The following COLEC12 variants were observed in gnomAD, a reference collection of about 807,000 sequenced individuals.
COLEC12 encodes collectin subfamily member 12.
COLEC12 carries 33 observed loss-of-function variants against 71.1 expected under a neutral mutation model. The ratio of observed to expected loss-of-function variants is 0.46; its 90% CI spans 0.35 to 0.62. The LOEUF is 0.62. COLEC12 is among the 20% of genes least tolerant of loss of function. The probability of loss-of-function intolerance (pLI) is 0.00; values close to 1 mark genes in which losing one functional copy is unlikely to be tolerated. For missense variants in COLEC12, 765 were observed against 916.1 expected, an observed-to-expected ratio of 0.84 and a Z score of 2.13; for synonymous variants, 350 against 353.0, an observed-to-expected ratio of 0.99 and a Z score of 0.10.
rs2143805975 is a variant in COLEC12, at chr18:500,440, G to A, written c.7+68C>T. 2.8e-6 allele frequency: 3 copies of A among 1,059,390 alleles called. No homozygotes were observed. The highest frequency in any genetic ancestry group is 3.5e-6 in the Non-Finnish European group (3 of 852,282). 65.6% of individuals were successfully genotyped at this position (1,059,390 alleles called of 1,614,324 possible). ...GAAGGTTCGCGCGGGAGGCACCTCC[G>A]TGGCCTCCCGCGCGCCCCGAAGCCC... On this transcript the variant is annotated intron_variant, in intron 1 of 9. Transcript: ENST00000400256. This position sits in a 1 kb window ranked among gnomAD's most constrained non-coding sequence, Gnocchi z 5.3.
At chr18:485,057 G>C (rs1917493779) in intron 1 of COLEC12, among the ~76,000 whole-genome samples, 1 of 152,212 alleles carries the variant, frequency 6.6e-6, no homozygotes, top group African/African-American at 2.4e-5. Context: ...CTATGCTAGG[G>C]CCCACAAGGG....
chr18:326,486 T>A (rs906790533), intron 8 of COLEC12, among the ~76,000 whole-genome samples: 3 of 152,218 alleles, frequency 2.0e-5, no homozygotes, highest in Non-Finnish European at 4.4e-5. Context: ...TAGCTGGGAT[T>A]ACAGGCATCC....
At chr18:322,443 C>G (rs1346144120) in intron 8 of COLEC12, among the ~76,000 whole-genome samples, 1 of 152,186 alleles carries the variant, frequency 6.6e-6, no homozygotes, top group African/African-American at 2.4e-5. Flanking sequence ...ACATTTCACT[C>G]CCTTTTTTGG....
At chr18:392,249 A>G (rs1170520862) in intron 2 of COLEC12, among the ~76,000 whole-genome samples, 1 of 152,208 alleles carries the variant, frequency 6.6e-6, no homozygotes, top group African/African-American at 2.4e-5. Context: ...GGGCATGGCT[A>G]TCATTACCTA....
chr18:479,804 A>G (rs572921064), intron 2 of COLEC12, among the ~76,000 whole-genome samples: 48 of 151,886 alleles, frequency 3.2e-4, no homozygotes, highest in East Asian at 1.4e-3. Flanking sequence ...CGGCTGCTGT[A>G]AAAGGTTACC....
chr18:339,461 A>G (rs1429270771), intron 5 of COLEC12, among the ~76,000 whole-genome samples: 1 of 152,220 alleles, frequency 6.6e-6, no homozygotes, highest in Non-Finnish European at 1.5e-5. Flanking sequence ...GAAGGAAGGG[A>G]GTAAATATCG....
At position 333,101 on chromosome 18, in the gene COLEC12, T is replaced by C. The variant is rs1252088896; in HGVS notation, c.1859A>G (p.Tyr620Cys). 4 of 1,611,304 alleles carry C rather than the reference T, an allele frequency of 2.5e-6. No individual in the cohort carries two copies. The highest frequency in any genetic ancestry group is 3.4e-6 in the Non-Finnish European group (4 of 1,178,840). ...AAAAATTTCTTTCTCAACTGAAAAA[T>C]AGTAGCATTTGTCTGTGAAGTTCTT... is the stretch of plus-strand genomic sequence containing the variant. ...HWKNFTDKCY[Y>C]FSVEKEIFED... Residue 620 changes from tyrosine (Y) to cysteine (C), a missense_variant, in exon 7 of 10, where the codon TAT (tyrosine) becomes TGT (cysteine). Tyr to Cys is a radical substitution (Grantham distance 194). Transcript: ENST00000400256.
At position 320,429 on chromosome 18, in the gene COLEC12, G is replaced by A. The variant is rs188649793; in HGVS notation, c.2210-365C>T. Among the ~76,000 whole-genome samples the A allele has an allele frequency of 1.0e-3, 157 of 152,230 alleles. 1 individual carries two copies. The highest frequency in any genetic ancestry group is 3.4e-3 in the African/African-American group (142 of 41,528). On this transcript the variant is annotated intron_variant, in intron 9 of 9. Coordinates refer to ENST00000400256, the MANE Select transcript of COLEC12 (RefSeq NM_130386.3). ...CTGACCCAGCTGTGAGTTCCTATGT[G>A]TCTTAAGGTCCCTAGCACTTGGACC...
At chr18:337,918 T>G (rs544790442) in intron 5 of COLEC12, among the ~76,000 whole-genome samples, 45 of 152,198 alleles carry the variant, frequency 3.0e-4, no homozygotes, top group Non-Finnish European at 5.6e-4. Context: ...CACCTCTCTC[T>G]GTCTTTTTTG....
rs183610900 is a variant in COLEC12 at position 455,995 on chromosome 18, G to A, written c.58+24712C>T. 2.0e-5 allele frequency among the ~76,000 whole-genome samples: 3 copies of A among 152,278 alleles called. No individual in the cohort carries two copies. In the East Asian group the frequency reaches 5.8e-4, roughly 30 times the overall value. ...ACTTTAACTGACACAATAGTTAAGT[G>A]TATCAAGCACAACCCAGGCAGGGTA... is the stretch of plus-strand genomic sequence containing the variant. On this transcript the variant is annotated intron_variant, in intron 2 of 9. Coordinates refer to ENST00000400256, the MANE Select transcript of COLEC12 (RefSeq NM_130386.3).
At chr18:333,395 T>A (rs1046686095) in intron 6 of COLEC12, 1 of 355,852 alleles carries the variant, frequency 2.8e-6, no homozygotes, top group Non-Finnish European at 5.1e-6. Context: ...TGTGTCTGGA[T>A]CCGTCTTCAC....
chr18:440,977 G>T (rs576469963), intron 2 of COLEC12, among the ~76,000 whole-genome samples: 1 of 152,026 alleles, frequency 6.6e-6, no homozygotes, highest in East Asian at 1.9e-4. Flanking sequence ...GGCCGGGCGT[G>T]GTGGCTCACG....
chr18:398,305 T>C (rs1220180073), intron 2 of COLEC12, among the ~76,000 whole-genome samples: 2 of 152,224 alleles, frequency 1.3e-5, no homozygotes. Context: ...ACCTTTTTAA[T>C]ATCAAGGGTC....
At chr18:321,344 G>A (rs1913699995) in intron 9 of COLEC12, among the ~76,000 whole-genome samples, 1 of 152,196 alleles carries the variant, frequency 6.6e-6, no homozygotes. Context: ...GTGAGCCACC[G>A]TGCCTGGCTG....
intron 3 of COLEC12, 24 bp downstream of exon 3, chr18:357,376 A>G: frequency 6.3e-7 from 1 of 1,579,056 alleles, no homozygotes; most frequent in Non-Finnish European, 8.5e-7. Flanking sequence ...GTTATTTGGA[A>G]GAAAAAAAAG....
At chr18:487,145 T>C (rs1049186002) in intron 1 of COLEC12, among the ~76,000 whole-genome samples, 74 of 152,108 alleles carry the variant, frequency 4.9e-4, no homozygotes, top group African/African-American at 1.8e-3. Flanking sequence ...CAATAAAAAA[T>C]GAAGCACTGA....
chr18:334,900 A>C lies in COLEC12; in HGVS notation c.1658T>G (p.Val553Gly). The C allele has an allele frequency of 6.5e-7, 1 of 1,539,564 alleles. No homozygotes were observed. Among genetic ancestry groups the C allele is most frequent in the Non-Finnish European group, 8.7e-7 (1 of 1,152,520 alleles). The part of the protein sequence containing the change: ...PPGFQGLQGT[V>G]GEPGVPGPRG... ...AGGTCCAGGCACCCCAGGCTCCCCA[A>C]CGGTGCCCTGAAGTCCCTGGAAGCC... Residue 553 changes from valine (V) to glycine (G), a missense_variant, in exon 6 of 10, where the codon GTT becomes GGT. Physicochemically the swap from Val to Gly is moderately radical, Grantham distance 109. Coordinates refer to ENST00000400256, the MANE Select transcript of COLEC12 (RefSeq NM_130386.3).
In COLEC12 at chr18:346,314, C is replaced by A; in HGVS notation, c.1308G>T (p.Lys436Asn). 1.2e-6 allele frequency: 2 copies of A among 1,610,608 alleles called. No individual in the cohort carries two copies. Among genetic ancestry groups the A allele is most frequent in the Non-Finnish European group, 1.7e-6 (2 of 1,178,390 alleles). The change falls in exon 5 of 10, where the codon AAG becomes AAT. Residue 436 changes from lysine to asparagine, a missense_variant. Physicochemically the swap from Lys to Asn is moderately conservative, Grantham distance 94. Transcript: ENST00000400256. The surrounding 1 kb of genome is among the most constrained non-coding windows in gnomAD (Gnocchi z 4.0). ...ACTTACCTTGTAGTATTGTAAAATT[C>A]TTGATGAGCTGACCATGCTTGGAGT... ...LVDSKHGQLI[K>N]NFTILQGPPG...
chr18:442,153 T>C (rs1598365040), intron 2 of COLEC12, among the ~76,000 whole-genome samples: 1 of 150,534 alleles, frequency 6.6e-6, no homozygotes, highest in African/African-American at 2.5e-5. Context: ...GTTTGAGGAG[T>C]AAGAGTCAGA....
Sources: gnomAD v4.1 joint callset for allele counts (sites outside exome capture counted in the v4.1 genomes callset) on GRCh38, gnomAD v4.1.1 for gene constraint, Gnocchi (gnomAD v3.1) non-coding constraint, MANE v1.5 for transcripts, NCBI Gene and HGNC (gene_info 2026-07-23, HGNC 2026-07-21) for gene names.